C1QTNF3: variants seen among roughly 807,000 people sequenced by gnomAD.
C1QTNF3 encodes complement C1q tumor necrosis factor-related protein 3.
Under a neutral mutation model 32.6 loss-of-function variants are expected in C1QTNF3, and 26 were observed. The ratio of observed to expected loss-of-function variants is 0.80; its 90% CI spans 0.58 to 1.11. C1QTNF3 has a LOEUF of 1.11. Among genes scored for constraint, C1QTNF3 ranks in the 50% least tolerant of loss-of-function variants. The pLI is 0.00. For missense variants in C1QTNF3, 362 were observed against 398.2 expected, an observed-to-expected ratio of 0.91 and a Z score of 0.77; for synonymous variants, 155 against 146.0, an observed-to-expected ratio of 1.06 and a Z score of -0.44.
chr5:34,121,173 G>C, the C1QTNF3 span, among the ~76,000 whole-genome samples: 1 of 151,582 alleles, frequency 6.6e-6, no homozygotes, highest in Admixed American at 6.6e-5. Flanking sequence ...AAATTCATGA[G>C]ATTAATTAAA....
upstream of C1QTNF3, among the ~76,000 whole-genome samples, chr5:34,047,526 C>T (rs1479695445): frequency 6.6e-6 from 1 of 152,132 alleles, no homozygotes; most frequent in African/African-American, 2.4e-5. Context: ...GTATCAGTGC[C>T]AACTTAAAGA....
the C1QTNF3 span, among the ~76,000 whole-genome samples, chr5:34,127,178 G>A: frequency 3.8e-4 from 58 of 151,982 alleles, no homozygotes; most frequent in Non-Finnish European, 6.8e-4. Context: ...AGCTGGTACC[G>A]GGAAAGTGTG....
At chr5:34,243,857 G>A in the C1QTNF3 span, among the ~76,000 whole-genome samples, 1 of 151,522 alleles carries the variant, frequency 6.6e-6, no homozygotes, top group Non-Finnish European at 1.5e-5. Context: ...CTACCTACTG[G>A]GTACTATGCT....
At chr5:34,217,533 T>C in the C1QTNF3 span, among the ~76,000 whole-genome samples, 1 of 151,932 alleles carries the variant, frequency 6.6e-6, no homozygotes, top group East Asian at 1.9e-4. Context: ...AGCAGCAGAG[T>C]GTAGAAAAAT....
chr5:34,030,059 T>A (rs188598594), intron 3 of C1QTNF3, among the ~76,000 whole-genome samples: 1 of 152,338 alleles, frequency 6.6e-6, no homozygotes, highest in African/African-American at 2.4e-5. Flanking sequence ...AAAGGAGTGT[T>A]TGCAGTTATC....
At chr5:34,113,000 T>C in the C1QTNF3 span, among the ~76,000 whole-genome samples, 1 of 151,206 alleles carries the variant, frequency 6.6e-6, no homozygotes, top group Non-Finnish European at 1.5e-5. Flanking sequence ...GATAATCTAA[T>C]TCAATGAGGT....
chr5:34,158,785 A>G, the C1QTNF3 span: 1 of 152,116 alleles, frequency 6.6e-6, no homozygotes, highest in Non-Finnish European at 1.5e-5. Context: ...ATTTATTTGA[A>G]TATTTTTTCT....
the C1QTNF3 span, among the ~76,000 whole-genome samples, chr5:34,072,344 G>T: frequency 7.8e-6 from 1 of 128,086 alleles, no homozygotes; most frequent in Non-Finnish European, 1.7e-5. Context: ...AAATAAAACA[G>T]TACCTAGCAG....
the C1QTNF3 span, among the ~76,000 whole-genome samples, chr5:34,139,580 A>G: frequency 6.6e-6 from 1 of 152,008 alleles, no homozygotes; most frequent in Non-Finnish European, 1.5e-5. Flanking sequence ...CTTGGTATAA[A>G]ATGTTTGGAT....
chr5:34,225,438 T>C, the C1QTNF3 span, among the ~76,000 whole-genome samples: 1 of 152,068 alleles, frequency 6.6e-6, no homozygotes, highest in Non-Finnish European at 1.5e-5. Context: ...AAAACAATAC[T>C]TCAAGACAAC....
the C1QTNF3 span, among the ~76,000 whole-genome samples, chr5:34,127,247 G>A: frequency 6.6e-6 from 1 of 152,106 alleles, no homozygotes; most frequent in African/African-American, 2.4e-5. Flanking sequence ...GTAACGGGCA[G>A]AGGTTGGGAG....
At chr5:34,021,660 A>T (rs1754331705) in intron 5 of C1QTNF3, among the ~76,000 whole-genome samples, 2 of 152,230 alleles carry the variant, frequency 1.3e-5, no homozygotes, top group African/African-American at 4.8e-5. Flanking sequence ...TAACAAACAC[A>T]GGAACAGAAA....
chr5:34,237,788 T>G, the C1QTNF3 span, among the ~76,000 whole-genome samples: 4 of 152,142 alleles, frequency 2.6e-5, no homozygotes, highest in South Asian at 8.3e-4. Flanking sequence ...GGCCTCTGCC[T>G]GAGAGAGACC....
At chr5:34,049,757 T>A in the C1QTNF3 span, among the ~76,000 whole-genome samples, 1 of 152,180 alleles carries the variant, frequency 6.6e-6, no homozygotes. Context: ...CAAGAGTCGA[T>A]ATTGCAGTCT....
At chr5:34,178,467 C>A in the C1QTNF3 span, among the ~76,000 whole-genome samples, 1 of 152,206 alleles carries the variant, frequency 6.6e-6, no homozygotes, top group African/African-American at 2.4e-5. Context: ...CAACTCCAAC[C>A]CTGGAGTTAC....
At chr5:34,209,432 TA>T in the C1QTNF3 span, among the ~76,000 whole-genome samples, 443 of 151,082 alleles carry the variant, frequency 2.9e-3, 3 homozygotes, top group African/African-American at 0.01. Context: ...AGTTAATAAA[TA>T]AAGTAATTAC....
intron 4 of C1QTNF3, among the ~76,000 whole-genome samples, chr5:34,024,673 A>C (rs1043047830): frequency 6.6e-6 from 1 of 152,356 alleles, no homozygotes; most frequent in South Asian, 2.1e-4. Flanking sequence ...ATATTTTAAA[A>C]GATTTGAGTT....
At chr5:34,153,866 A>AC in the C1QTNF3 span, among the ~76,000 whole-genome samples, 25 of 150,094 alleles carry the variant, frequency 1.7e-4, no homozygotes, top group East Asian at 1.7e-3. Flanking sequence ...AAAAAAAAAA[A>AC]AAAAAAAAAC....
chr5:34,236,986 G>GTT, the C1QTNF3 span, among the ~76,000 whole-genome samples: 1 of 152,064 alleles, frequency 6.6e-6, no homozygotes, highest in Non-Finnish European at 1.5e-5. Context: ...AACATAGATT[G>GTT]TTTGTTATTA....
Sources: gnomAD v4.1 joint callset for allele counts (sites outside exome capture counted in the v4.1 genomes callset) on GRCh38, gnomAD v4.1.1 for gene constraint, MANE v1.5 for transcripts, NCBI Gene and HGNC (gene_info 2026-07-23, HGNC 2026-07-21) for gene names.